The following PCDHA12 variants were observed in gnomAD, a reference collection of about 807,000 sequenced individuals.
The protein encoded by PCDHA12 is protocadherin alpha 12.
In PCDHA12, 44 loss-of-function variants were observed where a neutral mutation model predicts 60.0. The observed-to-expected ratio is 0.73, with a 90% CI of 0.58 to 0.94. PCDHA12 has a LOEUF of 0.94. PCDHA12 is among the 40% of genes least tolerant of loss of function. PCDHA12 has a pLI of 0.00. For synonymous variants in PCDHA12, 569 were observed against 553.0 expected, an observed-to-expected ratio of 1.03 and a Z score of -0.40; for missense variants, 1,276 against 1,239.7, an observed-to-expected ratio of 1.03 and a Z score of -0.44.
At chr5:140,882,228 T>G in intron 1 of PCDHA12, 1 of 1,564,682 alleles carries the variant, frequency 6.4e-7, no homozygotes, top group Non-Finnish European at 8.7e-7. Context: ...GGTAAGGCGT[T>G]GTATATATTG....
intron 3 of PCDHA12, among the ~76,000 whole-genome samples, chr5:140,985,834 G>T (rs550087572): frequency 1.3e-5 from 2 of 150,860 alleles, no homozygotes; most frequent in South Asian, 4.2e-4. Flanking sequence ...CTGCCTCCCG[G>T]GTTCATGCCA....
chr5:140,875,531 T>G lies in PCDHA12; in HGVS notation c.59T>G (p.Leu20Arg). 6.2e-7 allele frequency: 1 copy of G among 1,614,100 alleles called. No homozygotes were observed. The stretch of plus-strand genomic sequence containing the variant: ...CAGCGTCTGCTGCTCTCGCTTCTGC[T>G]CCTTGCAGCCTGGGAGGTGGGGAGC... ...GSQRLLLSLLLLAAWEVGSGQ... is the reference protein window; with the variant it reads ...GSQRLLLSLLRLAAWEVGSGQ... Residue 20 changes from leucine (L) to arginine (R), a missense_variant, in exon 1 of 4, where the codon CTC (leucine) becomes CGC (arginine). Leu to Arg is a moderately radical substitution (Grantham distance 102, BLOSUM62 -2). Coordinates refer to ENST00000398631, the MANE Select transcript of PCDHA12 (RefSeq NM_018903.4).
At chr5:140,984,441 T>A (rs1554246265) in intron 3 of PCDHA12, among the ~76,000 whole-genome samples, 3 of 152,200 alleles carry the variant, frequency 2.0e-5, no homozygotes, top group Admixed American at 6.5e-5. Context: ...TCTCCCTTGT[T>A]CCCTTTCTTA....
intron 1 of PCDHA12, among the ~76,000 whole-genome samples, chr5:140,895,123 T>C (rs1583185390): frequency 6.6e-6 from 1 of 152,300 alleles, no homozygotes; most frequent in East Asian, 1.9e-4. Flanking sequence ...CATTTGTTAG[T>C]TGACAAGTTC....
intron 1 of PCDHA12, among the ~76,000 whole-genome samples, chr5:140,941,795 T>G (rs1175900170): frequency 5.9e-5 from 9 of 152,226 alleles, no homozygotes; most frequent in Admixed American, 2.6e-4. Flanking sequence ...CCAAGAATAT[T>G]TAGTTGATTT....
intron 1 of PCDHA12, among the ~76,000 whole-genome samples, chr5:140,964,964 C>T (rs1035701368): frequency 2.6e-5 from 4 of 152,212 alleles, no homozygotes; most frequent in Non-Finnish European, 4.4e-5. Flanking sequence ...GTTGGTGGAA[C>T]GAAGGGATGT....
At chr5:140,996,933 T>G (rs2097753695) in intron 3 of PCDHA12, among the ~76,000 whole-genome samples, 1 of 152,186 alleles carries the variant, frequency 6.6e-6, no homozygotes, top group African/African-American at 2.4e-5. Flanking sequence ...ATATAGCATT[T>G]TTGCATAGAA....
At chr5:140,924,968 C>T (rs1376675912) in intron 1 of PCDHA12, among the ~76,000 whole-genome samples, 1 of 150,880 alleles carries the variant, frequency 6.6e-6, no homozygotes, top group Non-Finnish European at 1.5e-5. Context: ...AAGGTGAGTG[C>T]AGTGGCTCAT....
At chr5:140,913,092 C>T (rs1293188459) in intron 1 of PCDHA12, among the ~76,000 whole-genome samples, 1 of 152,134 alleles carries the variant, frequency 6.6e-6, no homozygotes, top group Non-Finnish European at 1.5e-5. Flanking sequence ...CAGGATAATA[C>T]TGGCCTCATA....
intron 3 of PCDHA12, among the ~76,000 whole-genome samples, chr5:141,005,547 C>A (rs2098220537): frequency 6.6e-6 from 1 of 150,736 alleles, no homozygotes; most frequent in South Asian, 2.1e-4. Flanking sequence ...ACTAAAAATA[C>A]AAAAATTAGC....
At chr5:140,927,720 G>A in intron 1 of PCDHA12, 6 of 1,614,174 alleles carry the variant, frequency 3.7e-6, no homozygotes, top group Non-Finnish European at 4.2e-6. Context: ...GCAACAGCAC[G>A]CAAGCAGAGC....
intron 1 of PCDHA12, among the ~76,000 whole-genome samples, chr5:140,931,244 T>C (rs1161128281): frequency 6.6e-6 from 1 of 152,168 alleles, no homozygotes; most frequent in Non-Finnish European, 1.5e-5. Context: ...ACACTTTTCC[T>C]ACCAAGAAAT....
chr5:140,922,162 A>G (rs2080680842), intron 1 of PCDHA12, among the ~76,000 whole-genome samples: 1 of 146,764 alleles, frequency 6.8e-6, no homozygotes, highest in African/African-American at 2.5e-5. Flanking sequence ...AAAAACAACA[A>G]AAAGTACAGC....
chr5:140,920,360 C>T (rs1049389066), intron 1 of PCDHA12, among the ~76,000 whole-genome samples: 2 of 151,950 alleles, frequency 1.3e-5, no homozygotes, highest in Non-Finnish European at 2.9e-5. Context: ...TAGTTCTATT[C>T]ATTTATTCTT....
rs1196941664 is a variant in PCDHA12, at chr5:140,876,694, G to A, written c.1222G>A (p.Val408Met). ...CACCTACAAGAATTACTACTCGTTGGTGCTGGACAGCGCCCTGGACCGCGA... is the reference window on the plus strand; with the variant it reads ...CACCTACAAGAATTACTACTCGTTGATGCTGGACAGCGCCCTGGACCGCGA... ...VSTYKNYYSL[V>M]LDSALDRESV... is the part of the protein sequence containing the mutation. The change falls in exon 1 of 4, where the codon GTG becomes ATG. Residue 408 changes from valine (V) to methionine (M), a missense_variant. Transcript: ENST00000398631. The A allele has an allele frequency of 6.2e-7, 1 of 1,614,142 alleles. No individual in the cohort carries two copies. The highest frequency in any genetic ancestry group is 1.3e-5 in the African/African-American group (1 of 74,950).
At chr5:140,935,093 A>G (rs1182064605) in intron 1 of PCDHA12, among the ~76,000 whole-genome samples, 1 of 152,204 alleles carries the variant, frequency 6.6e-6, no homozygotes, top group Admixed American at 6.5e-5. Context: ...TCCCAGAATC[A>G]GCCATTTTTC....
intron 1 of PCDHA12, among the ~76,000 whole-genome samples, chr5:140,918,233 T>C (rs1554198474): frequency 6.6e-6 from 1 of 152,210 alleles, no homozygotes; most frequent in South Asian, 2.1e-4. Context: ...TTTTTGTACA[T>C]TGATTTTGTA....
chr5:140,959,842 C>G (rs1219308136), intron 1 of PCDHA12, among the ~76,000 whole-genome samples: 2 of 152,118 alleles, frequency 1.3e-5, no homozygotes, highest in African/African-American at 4.8e-5. Context: ...ATGCCTGTAA[C>G]TGCTAAAGGA....
intron 3 of PCDHA12, among the ~76,000 whole-genome samples, chr5:140,995,481 T>C (rs190039428): frequency 5.9e-5 from 9 of 152,308 alleles, no homozygotes; most frequent in Admixed American, 5.9e-4. Context: ...CATTTAATAT[T>C]TTCAGACTAA....
Sources: allele counts gnomAD v4.1 joint callset (sites outside exome capture counted in the v4.1 genomes callset), GRCh38; gene constraint gnomAD v4.1.1; transcripts MANE v1.5; gene names NCBI Gene and HGNC (gene_info 2026-07-23, HGNC 2026-07-21).